TMEM132B: variants seen among roughly 807,000 people sequenced by gnomAD.
TMEM132B encodes transmembrane protein 132B.
In TMEM132B, 18 loss-of-function variants were observed where a neutral mutation model predicts 90.8. The ratio of observed to expected loss-of-function variants is 0.20; its 90% confidence interval spans 0.14 to 0.29. The LOEUF is 0.29. Ranked by LOEUF, TMEM132B falls within the 10% of genes least tolerant of loss-of-function variation. The pLI, the probability that TMEM132B is intolerant of heterozygous loss-of-function variation, is 1.00. For missense variants in TMEM132B, 1,096 were observed against 1,326.8 expected (o/e 0.83, Z 2.70); for synonymous variants, 504 against 523.3 (o/e 0.96, Z 0.50).
chr12:125,389,785 C>G (rs1878955113), intron 2 of TMEM132B, among the ~76,000 whole-genome samples: 1 of 152,168 alleles, frequency 6.6e-6, no homozygotes, highest in African/African-American at 2.4e-5. Flanking sequence ...CACCACTGCT[C>G]TCATAAGTAG....
chr12:125,304,953 G>A (rs898681222), intron 1 of TMEM132B, among the ~76,000 whole-genome samples: 2 of 152,118 alleles, frequency 1.3e-5, no homozygotes, highest in African/African-American at 2.4e-5. Flanking sequence ...GGAGGTCATT[G>A]TTCTCTCTGG....
At position 125,490,827 on chromosome 12, in the gene TMEM132B, G is replaced by A. The variant is rs888720711; in HGVS notation, c.1107-28612G>A. On this transcript the variant is annotated intron_variant, in intron 3 of 8. Transcript: ENST00000682704. The surrounding 1 kb of genome is among the most constrained non-coding windows in gnomAD (Gnocchi z 4.2). ...ACTTACTTCTGTAAAGTACTCTATG[G>A]TGAAAGCAATGTGCCACTTAAAAGA... Among the ~76,000 whole-genome samples the A allele has an allele frequency of 3.3e-5, 5 of 152,194 alleles. No individual in the cohort carries two copies. The highest frequency in any genetic ancestry group is 4.8e-5 in the African/African-American group (2 of 41,434).
intron 2 of TMEM132B, among the ~76,000 whole-genome samples, chr12:125,372,828 C>T (rs571676135): frequency 3.2e-4 from 48 of 152,280 alleles, no homozygotes; most frequent in African/African-American, 1.1e-3. Flanking sequence ...TCTCCCGCAG[C>T]GTTCTGGCCA....
chr12:125,511,138 C>T (rs1174338221), intron 3 of TMEM132B, among the ~76,000 whole-genome samples: 1 of 152,206 alleles, frequency 6.6e-6, no homozygotes, highest in Non-Finnish European at 1.5e-5. Context: ...TGGACATTTC[C>T]TGTCAATGGA....
At chr12:125,418,772 G>A (rs1880093133) in intron 3 of TMEM132B, among the ~76,000 whole-genome samples, 1 of 152,156 alleles carries the variant, frequency 6.6e-6, no homozygotes, top group Admixed American at 6.5e-5. Flanking sequence ...TAGAAAGGCA[G>A]TAAAAATCTT....
intron 1 of TMEM132B, among the ~76,000 whole-genome samples, chr12:125,214,520 T>C (rs1873391032): frequency 6.6e-6 from 1 of 152,188 alleles, no homozygotes; most frequent in African/African-American, 2.4e-5. Context: ...GCCTAGGTCA[T>C]GTGCCTTCTC....
In TMEM132B at chr12:125,602,091, G is replaced by A. The variant is rs181178187; in HGVS notation, c.1437+18097G>A. 2.1e-4 allele frequency among the ~76,000 whole-genome samples: 32 copies of A among 152,304 alleles called. No individual in the cohort carries two copies. In the East Asian group the frequency reaches 5.2e-3, roughly 25 times the overall value. ...CTATTCCAAACAATTGAAAAGGAGG[G>A]ACTCCTCCCTAACTCATTTAATGAG... is the stretch of plus-strand genomic sequence containing the variant. On this transcript the variant is annotated intron_variant, in intron 5 of 8. Transcript: ENST00000682704.
intron 1 of TMEM132B, among the ~76,000 whole-genome samples, chr12:125,329,290 T>C (rs1203726920): frequency 1.3e-5 from 2 of 152,160 alleles, no homozygotes; most frequent in Non-Finnish European, 2.9e-5. Context: ...GAAATGAATA[T>C]CTGTTGTTGA....
chr12:125,223,330 G>C (rs1873602422), intron 1 of TMEM132B, among the ~76,000 whole-genome samples: 1 of 152,168 alleles, frequency 6.6e-6, no homozygotes, highest in African/African-American at 2.4e-5. Flanking sequence ...ATGATCTTTT[G>C]GACGAATTAA....
intron 1 of TMEM132B, among the ~76,000 whole-genome samples, chr12:125,334,883 A>G (rs1035537930): frequency 2.0e-5 from 3 of 152,260 alleles, no homozygotes; most frequent in Non-Finnish European, 4.4e-5. Context: ...GGTGAAGAGC[A>G]TGGCAGCATA....
intron 1 of TMEM132B, among the ~76,000 whole-genome samples, chr12:125,206,599 T>G (rs1873192040): frequency 6.6e-6 from 1 of 152,072 alleles, no homozygotes; most frequent in Non-Finnish European, 1.5e-5. Context: ...GTGCTTGGTG[T>G]GGGTGTTTAG....
At position 125,186,531 on chromosome 12, in the gene TMEM132B, T is replaced by G. The variant is rs1957761295; in HGVS notation, c.-269T>G. ...CGGGGGCCGCGCAACTCGGGCCAAC[T>G]GCGGGGCAGCCGGCCAGGGCGCGGG... On this transcript the variant is annotated 5_prime_UTR_variant, in exon 1 of 9. Coordinates refer to ENST00000682704, the MANE Select transcript of TMEM132B (RefSeq NM_001366854.1). This position sits in a 1 kb window ranked among gnomAD's most constrained non-coding sequence, Gnocchi z 6.3. 1.4e-5 allele frequency among the ~76,000 whole-genome samples: 2 copies of G among 146,194 alleles called. No homozygotes were observed. The highest frequency in any genetic ancestry group is 4.2e-4 in the South Asian group (2 of 4,768).
chr12:125,580,671 G>C (rs1467581226), intron 4 of TMEM132B, among the ~76,000 whole-genome samples: 2 of 152,084 alleles, frequency 1.3e-5, no homozygotes, highest in African/African-American at 4.8e-5. Flanking sequence ...ATGATCTCCT[G>C]GTTGCCTATA....
At chr12:125,355,995 AGGGGGCT>A (rs1026850797) in intron 2 of TMEM132B, among the ~76,000 whole-genome samples, 5 of 151,490 alleles carry the variant, frequency 3.3e-5, no homozygotes, top group African/African-American at 1.2e-4. Flanking sequence ...TGGGGTTTGG[AGGGGGCT>A]GGGGGCTGGT....
chr12:125,649,725 C>G (rs796482053), intron 6 of TMEM132B, among the ~76,000 whole-genome samples: 3 of 152,266 alleles, frequency 2.0e-5, no homozygotes, highest in African/African-American at 7.2e-5. Flanking sequence ...ACTGAGGGCA[C>G]AGACTGGTCA....
chr12:125,222,235 A>T (rs904175042), intron 1 of TMEM132B, among the ~76,000 whole-genome samples: 1 of 152,184 alleles, frequency 6.6e-6, no homozygotes, highest in Non-Finnish European at 1.5e-5. Flanking sequence ...AGTTTAAGCT[A>T]TGTGTTTGTT....
chr12:125,513,844 A>C (rs974827059), intron 3 of TMEM132B, among the ~76,000 whole-genome samples: 1 of 152,186 alleles, frequency 6.6e-6, no homozygotes, highest in Non-Finnish European at 1.5e-5. Flanking sequence ...TTAATTCTTA[A>C]AACAACTTTC....
chr12:125,526,302 G>T (rs1419944791), intron 4 of TMEM132B, among the ~76,000 whole-genome samples: 1 of 152,220 alleles, frequency 6.6e-6, no homozygotes, highest in Admixed American at 6.5e-5. Flanking sequence ...CTCGCACAGG[G>T]GTTGTCACTA....
intron 4 of TMEM132B, among the ~76,000 whole-genome samples, chr12:125,522,147 G>T (rs755509074): frequency 2.0e-5 from 3 of 152,146 alleles, no homozygotes; most frequent in Admixed American, 6.5e-5. Context: ...AGGTCAACTC[G>T]TGGAGAGGCT....
Sources: gnomAD v4.1 joint callset for allele counts (sites outside exome capture counted in the v4.1 genomes callset) on GRCh38, gnomAD v4.1.1 for gene constraint, Gnocchi (gnomAD v3.1) non-coding constraint, MANE v1.5 for transcripts, NCBI Gene and HGNC (gene_info 2026-07-23, HGNC 2026-07-21) for gene names.